GNA12: variants seen among roughly 807,000 people sequenced by gnomAD.
The protein encoded by GNA12 is guanine nucleotide-binding protein subunit alpha-12.
GNA12 carries 9 observed loss-of-function variants against 26.0 expected under a neutral mutation model. The ratio of observed to expected loss-of-function variants is 0.35; its 90% CI spans 0.21 to 0.60. The LOEUF (loss-of-function observed/expected upper bound fraction) is 0.60. GNA12 is among the 20% of genes least tolerant of loss of function. GNA12 has a pLI of 0.78. For synonymous variants in GNA12, 264 were observed against 219.6 expected, an observed-to-expected ratio of 1.20 and a Z score of -1.79; for missense variants, 405 against 525.8, an observed-to-expected ratio of 0.77 and a Z score of 2.25.
chr7:2,832,921 T>C (rs190292051), intron 1 of GNA12, among the ~76,000 whole-genome samples: 43 of 152,284 alleles, frequency 2.8e-4, no homozygotes, highest in African/African-American at 9.6e-4. Flanking sequence ...TCCAAATGCA[T>C]TTGGTCAACA....
At chr7:2,745,945 C>T (rs370745154) in intron 2 of GNA12, among the ~76,000 whole-genome samples, 33 of 151,944 alleles carry the variant, frequency 2.2e-4, no homozygotes, top group African/African-American at 5.6e-4. Flanking sequence ...AATGGTAAAG[C>T]GATCAATTCA....
In GNA12 at chr7:2,816,760, G is replaced by C. The variant is rs536668384; in HGVS notation, c.310-21617C>G. ...TGAACACCTACTCTGTCCAGGCACA[G>C]GTCTAGCACACATTAACTCATTCAA... On this transcript the variant is annotated intron_variant, in intron 1 of 3. Transcript: ENST00000275364. Among the ~76,000 whole-genome samples the C allele has an allele frequency of 7.9e-5, 12 of 152,296 alleles. No individual in the cohort carries two copies. In the South Asian group the frequency reaches 2.5e-3, roughly 32 times the overall value.
intron 2 of GNA12, among the ~76,000 whole-genome samples, chr7:2,741,721 A>G: frequency 6.6e-6 from 1 of 151,966 alleles, no homozygotes; most frequent in Non-Finnish European, 1.5e-5. Context: ...ATCCGTCATC[A>G]TTTGAGAGCA....
chr7:2,817,453 G>C lies in GNA12; in HGVS notation c.310-22310C>G, dbSNP rs190308973. Reference sequence around the variant, plus strand: ...ATGAGAATCCTTACACAGCCTGCAAGACTGTATATCCTCCCTTACCCCAGC... The same window carrying C: ...ATGAGAATCCTTACACAGCCTGCAACACTGTATATCCTCCCTTACCCCAGC... On this transcript the variant is annotated intron_variant, in intron 1 of 3. Coordinates refer to ENST00000275364, the MANE Select transcript of GNA12 (RefSeq NM_007353.3). 4.8e-3 allele frequency among the ~76,000 whole-genome samples: 725 copies of C among 152,258 alleles called. 8 individuals carry two copies. Among genetic ancestry groups the C allele is most frequent in the African/African-American group, 0.017 (689 of 41,540 alleles).
intron 2 of GNA12, among the ~76,000 whole-genome samples, chr7:2,771,491 C>G (rs138354825): frequency 6.6e-6 from 1 of 152,314 alleles, no homozygotes; most frequent in East Asian, 1.9e-4. Flanking sequence ...AACCCGTGGT[C>G]GGCATCTATC....
chr7:2,745,712 G>C (rs1790731998), intron 2 of GNA12, among the ~76,000 whole-genome samples: 1 of 152,182 alleles, frequency 6.6e-6, no homozygotes, highest in Non-Finnish European at 1.5e-5. Flanking sequence ...CCAATTAAAA[G>C]ACACAGACTG....
chr7:2,748,850 G>T (rs1244186599), intron 2 of GNA12, among the ~76,000 whole-genome samples: 2 of 152,136 alleles, frequency 1.3e-5, no homozygotes, highest in African/African-American at 4.8e-5. Context: ...AGTGGGCAAA[G>T]GACATGAACA....
intron 3 of GNA12, among the ~76,000 whole-genome samples, chr7:2,732,191 C>T (rs1400718862): frequency 6.6e-6 from 1 of 152,126 alleles, no homozygotes; most frequent in African/African-American, 2.4e-5. Context: ...TATTCTTAGA[C>T]AATTCTTTAA....
chr7:2,757,104 G>T (rs1469876769), intron 2 of GNA12, among the ~76,000 whole-genome samples: 1 of 150,266 alleles, frequency 6.7e-6, no homozygotes, highest in African/African-American at 2.4e-5. Flanking sequence ...GGTGACCTTG[G>T]CAGGCCCGAT....
chr7:2,739,252 G>T (rs116728629), intron 2 of GNA12, among the ~76,000 whole-genome samples: 4 of 152,212 alleles, frequency 2.6e-5, no homozygotes, highest in Middle Eastern at 3.4e-3. Context: ...ATGTTGTACG[G>T]CCACCACTTC....
intron 2 of GNA12, among the ~76,000 whole-genome samples, chr7:2,735,602 C>T (rs550604936): frequency 1.3e-5 from 2 of 152,320 alleles, no homozygotes; most frequent in African/African-American, 4.8e-5. Flanking sequence ...CAATCAGTCC[C>T]CCAGCTGCAC....
rs1793186831 is a variant in GNA12 at position 2,815,113 on chromosome 7, A to G, written c.310-19970T>C. On this transcript the variant is annotated intron_variant, in intron 1 of 3. Transcript: ENST00000275364. ...ACCAGACAGACAAGGCCTTGCCCGC[A>G]TGAGGCTTCCAAGCTCACTGGAGAA... 5 of 960,748 alleles carry G rather than the reference A, an allele frequency of 5.2e-6. 1 individual carries two copies. The Admixed American group carries it at 8.8e-5, about 17-fold the overall frequency. The allele number at this position is 960,748 out of a possible 1,614,324, so 59.5% of individuals were successfully genotyped here.
At chr7:2,749,937 T>C (rs1790947488) in intron 2 of GNA12, among the ~76,000 whole-genome samples, 1 of 152,086 alleles carries the variant, frequency 6.6e-6, no homozygotes, top group Non-Finnish European at 1.5e-5. Flanking sequence ...AATACACAAG[T>C]AGTTGGAATC....
At chr7:2,826,677 A>T (rs1256340353) in intron 1 of GNA12, among the ~76,000 whole-genome samples, 2 of 152,244 alleles carry the variant, frequency 1.3e-5, no homozygotes, top group Non-Finnish European at 2.9e-5. Context: ...AAGTGAAAGA[A>T]GCCCATGTGA....
chr7:2,836,859 G>C (rs895642682), intron 1 of GNA12, among the ~76,000 whole-genome samples: 2 of 152,158 alleles, frequency 1.3e-5, no homozygotes, highest in Non-Finnish European at 2.9e-5. Context: ...GGGTGGCGGA[G>C]GTTGCAGTGA....
chr7:2,829,261 T>G (rs1793549336), intron 1 of GNA12, among the ~76,000 whole-genome samples: 1 of 152,114 alleles, frequency 6.6e-6, no homozygotes, highest in South Asian at 2.1e-4. Flanking sequence ...AAGCCTAGAA[T>G]TGGGAAATCC....
intron 1 of GNA12, among the ~76,000 whole-genome samples, chr7:2,801,089 A>G (rs560544394): frequency 1.2e-4 from 19 of 152,238 alleles, no homozygotes; most frequent in Admixed American, 3.3e-4. Context: ...GCTCTCCATC[A>G]TCCAGGCAGA....
chr7:2,751,408 A>AAC (rs1036112513), intron 2 of GNA12, among the ~76,000 whole-genome samples: 1 of 151,896 alleles, frequency 6.6e-6, no homozygotes, highest in African/African-American at 2.4e-5. Flanking sequence ...AGAAAAAAAA[A>AAC]AAAAACAGCT....
chr7:2,827,673 T>G (rs1304017923), intron 1 of GNA12, among the ~76,000 whole-genome samples: 1 of 152,076 alleles, frequency 6.6e-6, no homozygotes, highest in African/African-American at 2.4e-5. Context: ...TGACTTAGAA[T>G]AGGGCAGATG....
Sources: allele counts gnomAD v4.1 joint callset (sites outside exome capture counted in the v4.1 genomes callset), GRCh38; gene constraint gnomAD v4.1.1; transcripts MANE v1.5; gene names NCBI Gene and HGNC (gene_info 2026-07-23, HGNC 2026-07-21).